The following SLC44A3 variants were observed in gnomAD, a reference collection of about 807,000 sequenced individuals.
The protein encoded by SLC44A3 is choline transporter-like protein 3.
A neutral mutation model predicts 75.4 loss-of-function variants in SLC44A3; 74 were observed. That is an observed-to-expected ratio of 0.98 (90% CI 0.81 to 1.19). The LOEUF (loss-of-function observed/expected upper bound fraction) is 1.19. SLC44A3 is among the 50% of genes most tolerant of loss of function. SLC44A3 has a pLI of 0.00. For synonymous variants in SLC44A3, 310 were observed against 296.9 expected (o/e 1.04, Z -0.45); for missense variants, 700 against 778.6 (o/e 0.90, Z 1.20).
chr1:94,827,312 A>T (rs1460607066), intron 3 of SLC44A3, 195 bp from the exon 4 acceptor site: 2 of 636,636 alleles, frequency 3.1e-6, no homozygotes. Context: ...ATGTTTTTGG[A>T]TAGTTTCCAA....
intron 9 of SLC44A3, among the ~76,000 whole-genome samples, chr1:94,854,401 T>G (rs1665593312): frequency 6.6e-6 from 1 of 152,210 alleles, no homozygotes; most frequent in Admixed American, 6.5e-5. Context: ...AATTCAGTGC[T>G]CTTCCCACCA....
At chr1:94,872,456 C>T (rs1341705083) in intron 12 of SLC44A3, among the ~76,000 whole-genome samples, 1 of 151,470 alleles carries the variant, frequency 6.6e-6, no homozygotes, top group Non-Finnish European at 1.5e-5. Context: ...CTCTTCAATG[C>T]TTTGTTCTTC....
intron 12 of SLC44A3, among the ~76,000 whole-genome samples, chr1:94,880,024 T>C (rs1390152317): frequency 6.6e-6 from 1 of 151,814 alleles, no homozygotes; most frequent in East Asian, 1.9e-4. Context: ...AGAAAATAAG[T>C]GTTGGTGAGG....
At chr1:94,851,578 G>C (rs2101166461) in intron 9 of SLC44A3, among the ~76,000 whole-genome samples, 1 of 152,338 alleles carries the variant, frequency 6.6e-6, no homozygotes, top group Admixed American at 6.5e-5. Context: ...TAGGGGTGCT[G>C]ACCCAGGGAA....
intron 12 of SLC44A3, 39 bp downstream of exon 12, chr1:94,867,456 G>T (rs774604263): frequency 1.6e-5 from 24 of 1,515,778 alleles, no homozygotes; most frequent in Non-Finnish European, 2.1e-5. Flanking sequence ...ACACAGAAGG[G>T]TCCAAAGGTG....
At chr1:94,827,204 C>T (rs1233970739) in intron 3 of SLC44A3, among the ~76,000 whole-genome samples, 1 of 152,218 alleles carries the variant, frequency 6.6e-6, no homozygotes, top group Non-Finnish European at 1.5e-5. Flanking sequence ...AATCAATGGA[C>T]AGTTTAACCA....
intron 5 of SLC44A3, among the ~76,000 whole-genome samples, chr1:94,837,193 T>C (rs779081514): frequency 1.3e-5 from 2 of 152,152 alleles, no homozygotes; most frequent in African/African-American, 2.4e-5. Context: ...AAATGAGAGA[T>C]GCTGGTCAAA....
In SLC44A3 at chr1:94,893,066, A is replaced by G. The variant is rs376184810; in HGVS notation, c.1857+549A>G. ...TCAGCGGAGCGCCCATACTGCTTAT[A>G]TCTGGAAATAGCAGGCAGCTGTTTG... On this transcript the variant is annotated intron_variant, in intron 14 of 14. Transcript: ENST00000271227. Among the ~76,000 whole-genome samples, 12 of 152,324 alleles carry G rather than the reference A, an allele frequency of 7.9e-5. 2 individuals are homozygous for G. The highest frequency in any genetic ancestry group is 2.9e-4 in the African/African-American group (12 of 41,590).
intron 9 of SLC44A3, 84 bp downstream of exon 9, chr1:94,845,548 C>T: frequency 7.6e-7 from 1 of 1,314,336 alleles, no homozygotes; most frequent in Non-Finnish European, 1.0e-6. Flanking sequence ...TTTCTGTAGG[C>T]ACCTAACCCC....
At chr1:94,828,000 G>A (rs1363712491) in intron 4 of SLC44A3, among the ~76,000 whole-genome samples, 1 of 152,138 alleles carries the variant, frequency 6.6e-6, no homozygotes, top group Non-Finnish European at 1.5e-5. Flanking sequence ...TCCTAGAGAT[G>A]TACGTGCAGG....
At chr1:94,849,052 C>T (rs530801268) in intron 9 of SLC44A3, among the ~76,000 whole-genome samples, 16 of 144,776 alleles carry the variant, frequency 1.1e-4, no homozygotes, top group African/African-American at 4.6e-4. Context: ...AGCCTGTGCC[C>T]CTTAACTGCC....
chr1:94,842,044 G>T lies in SLC44A3; in HGVS notation c.805G>T (p.Asp269Tyr). Residue 269 changes from aspartate (D) to tyrosine (Y), a missense_variant, in exon 8 of 15, where the codon GAC (aspartate) becomes TAC (tyrosine). Asp to Tyr is a radical substitution (Grantham distance 160, BLOSUM62 -3). Coordinates refer to ENST00000271227, the MANE Select transcript of SLC44A3 (RefSeq NM_001114106.3). ...LWWLYYDYTN[D>Y]LSIELDTERE... ...GTGGCTGTATTATGACTATACCAAC[G>T]ACCTCAGCATAGAATTGGACACAGA... is the stretch of plus-strand genomic sequence containing the variant. The T allele has an allele frequency of 1.2e-6, 2 of 1,613,328 alleles. No individual in the cohort carries two copies. Among genetic ancestry groups the T allele is most frequent in the South Asian group, 1.1e-5 (1 of 90,930 alleles).
chr1:94,847,744 C>T (rs748545709), intron 9 of SLC44A3, among the ~76,000 whole-genome samples: 13 of 152,262 alleles, frequency 8.5e-5, no homozygotes, highest in Non-Finnish European at 1.3e-4. Context: ...TCACAGTCCC[C>T]GTGTGATGTG....
intron 5 of SLC44A3, among the ~76,000 whole-genome samples, chr1:94,832,902 G>A (rs1199406913): frequency 6.6e-6 from 1 of 152,160 alleles, no homozygotes; most frequent in African/African-American, 2.4e-5. Flanking sequence ...AGGGGTTTGA[G>A]GTTGTAGTGA....
At chr1:94,891,399 A>C in intron 13 of SLC44A3, 132 bp downstream of exon 13, 1 of 958,918 alleles carries the variant, frequency 1.0e-6, no homozygotes. Context: ...ATCTCATTTA[A>C]TCCTCAATCC....
At chr1:94,881,418 C>A (rs12401513) in intron 12 of SLC44A3, among the ~76,000 whole-genome samples, 5,439 of 152,308 alleles carry the variant, frequency 0.036, 106 homozygotes, top group Non-Finnish European at 0.05. Context: ...TCTTAAGAAC[C>A]AATCGGCCAG....
At chr1:94,839,273 G>A (rs1404433983) in intron 6 of SLC44A3, among the ~76,000 whole-genome samples, 4 of 149,494 alleles carry the variant, frequency 2.7e-5, no homozygotes, top group Non-Finnish European at 4.4e-5. Context: ...CTTTACATAA[G>A]CCCAGTATGA....
intron 10 of SLC44A3, among the ~76,000 whole-genome samples, chr1:94,860,492 G>T (rs1666443914): frequency 6.6e-6 from 1 of 152,132 alleles, no homozygotes; most frequent in South Asian, 2.1e-4. Flanking sequence ...TGCCAGGGCT[G>T]GAGGACACAA....
At chr1:94,830,781 G>A (rs1464556682) in intron 5 of SLC44A3, among the ~76,000 whole-genome samples, 2 of 152,154 alleles carry the variant, frequency 1.3e-5, no homozygotes, top group Non-Finnish European at 2.9e-5. Flanking sequence ...TTTAACCAGA[G>A]TTGGATAAAC....
Sources: gnomAD v4.1 joint callset for allele counts (sites outside exome capture counted in the v4.1 genomes callset) on GRCh38, gnomAD v4.1.1 for gene constraint, MANE v1.5 for transcripts, NCBI Gene and HGNC (gene_info 2026-07-23, HGNC 2026-07-21) for gene names.